Variants in PLIN1 observed in about 807,000 individuals in gnomAD.
PLIN1 encodes the protein perilipin 1, also known as perilipin-1.
A neutral mutation model predicts 45.8 loss-of-function variants in PLIN1; 37 were observed. The ratio of observed to expected loss-of-function variants is 0.81; its 90% CI spans 0.62 to 1.06. The LOEUF is 1.06. Ranked by LOEUF, PLIN1 falls within the 50% of genes least tolerant of loss-of-function variation. The probability of loss-of-function intolerance (pLI) is 0.00; values close to 1 mark genes in which losing one functional copy is unlikely to be tolerated. For missense variants in PLIN1, 776 were observed against 716.5 expected, an observed-to-expected ratio of 1.08 and a Z score of -0.95; for synonymous variants, 340 against 309.2, an observed-to-expected ratio of 1.10 and a Z score of -1.05.
At chr15:89,669,370 G>T in intron 6 of PLIN1, 130 bp downstream of exon 6, 1 of 834,072 alleles carries the variant, frequency 1.2e-6, no homozygotes, top group South Asian at 1.4e-5. Context: ...TAGAACTGAA[G>T]CCCCAGCCCA....
Position 89,667,711 on chromosome 15 carries a change from T to C in PLIN1, c.854A>G (p.His285Arg), listed in dbSNP as rs572438828. ...RRSEVRVPWL[H>R]SLAAAQEEDH... ...CTCCTCCTGGGCGGCTGCGAGGCTG[T>C]GCAGCCAGGGTACCCGCACTTCGCT... The change falls in exon 7 of 9, where the codon CAC becomes CGC. Residue 285 changes from histidine (H) to arginine (R), a missense_variant. Coordinates refer to ENST00000300055, the MANE Select transcript of PLIN1 (RefSeq NM_002666.5). The C allele has an allele frequency of 6.3e-7, 1 of 1,582,946 alleles. No homozygotes were observed. Among genetic ancestry groups the C allele is most frequent in the Non-Finnish European group, 8.6e-7 (1 of 1,164,696 alleles).
intron 2 of PLIN1, 71 bp from the exon 3 acceptor site, chr15:89,673,485 T>G: frequency 7.8e-7 from 1 of 1,276,912 alleles, no homozygotes. Flanking sequence ...GACCCCGGGG[T>G]CATGGGGACC....
intron 1 of PLIN1, chr15:89,678,019 A>G (rs1310861616): frequency 6.5e-6 from 1 of 153,880 alleles, no homozygotes; most frequent in Non-Finnish European, 1.4e-5. Flanking sequence ...TAGACCTCCC[A>G]AAGTGCTGGG....
intron 7 of PLIN1, among the ~76,000 whole-genome samples, 192 bp downstream of exon 7, chr15:89,667,410 G>A (rs1180204786): frequency 2.0e-5 from 3 of 152,246 alleles, no homozygotes; most frequent in Non-Finnish European, 4.4e-5. Flanking sequence ...TTTACAGAGT[G>A]TTGCAAGGGT....
In PLIN1 at chr15:89,670,164, A is replaced by C. The variant is rs143954379; in HGVS notation, c.414T>G (p.Thr138=). The change falls in exon 5 of 9, where the codon ACT becomes ACG. Residue 138 remains threonine (T), a synonymous_variant. Coordinates refer to ENST00000300055, the MANE Select transcript of PLIN1 (RefSeq NM_002666.5). ...RNSISVPIAS[T]SDKVLGAALA... ...AAGCGGCCCCCAGGACCTTGTCTGA[A>C]GTGCTCGCGATGGGAACGCTGATGC... is the stretch of plus-strand genomic sequence containing the variant. 940 of 1,614,090 alleles carry C rather than the reference A, an allele frequency of 5.8e-4. 3 individuals carry two copies. Among genetic ancestry groups the C allele is most frequent in the Middle Eastern group, 1.8e-3 (11 of 6,060 alleles).
In PLIN1 at chr15:89,669,831, GT is replaced by G. The variant is rs1306477782; in HGVS notation, c.598+148del. The G allele has an allele frequency of 4.3e-5, 37 of 854,100 alleles. No individual in the cohort carries two copies. The African/African-American group carries it at 5.0e-4, about 12-fold the overall frequency. The allele number at this position is 854,100 out of a possible 1,614,324, so 52.9% of individuals were successfully genotyped here. ...TTCCCTCTTTACAGATGGGGTGGGG[GT>G]GGGGGGGGTAAATGATTATGAATCC... is the stretch of plus-strand genomic sequence containing the variant. On this transcript the variant is annotated intron_variant, in intron 5 of 8. Coordinates refer to ENST00000300055, the MANE Select transcript of PLIN1 (RefSeq NM_002666.5).
At position 89,665,505 on chromosome 15, in the gene PLIN1, G is replaced by C. The variant is rs779304578; in HGVS notation, c.*78C>G. The C allele has an allele frequency of 7.1e-6, 10 of 1,415,178 alleles. No individual in the cohort carries two copies. The highest frequency in any genetic ancestry group is 9.5e-6 in the Non-Finnish European group (10 of 1,056,680). 87.7% of individuals were successfully genotyped at this position (1,415,178 alleles called of 1,614,324 possible). A position where few individuals can be genotyped will look rare whatever the true frequency, so the allele number is the denominator to read the frequency against. ...AGGGGACCACTTTGAAAGTGGCAAC[G>C]CTCGCCTGGGCAGTGCGGGTTCTGT... On this transcript the variant is annotated 3_prime_UTR_variant, in exon 9 of 9. Coordinates refer to ENST00000300055, the MANE Select transcript of PLIN1 (RefSeq NM_002666.5).
rs140220910 is a variant in PLIN1, at chr15:89,677,619, C to T, written c.-14-116G>A. ...CCAGGCTGCCTGGGGGCCCATTTGC[C>T]CTGAACAGAAGGCATTAGGTTGGAG... On this transcript the variant is annotated intron_variant, in intron 1 of 8. Transcript: ENST00000300055. 160 of 843,292 alleles carry T rather than the reference C, an allele frequency of 1.9e-4. No homozygotes were observed. The African/African-American group carries it at 2.2e-3, about 12-fold the overall frequency. 52.2% of individuals were successfully genotyped at this position (843,292 alleles called of 1,614,324 possible).
In PLIN1 at chr15:89,673,320, G is replaced by T; in HGVS notation, c.140C>A (p.Ala47Asp). ...GCACACAGAGGCCACCAGGGGGTGGGCTTCCTTAGTGCTGGTGTAGGTCTT... is the reference window on the plus strand; with the variant it reads ...GCACACAGAGGCCACCAGGGGGTGGTCTTCCTTAGTGCTGGTGTAGGTCTT... ...FQKTYTSTKE[A>D]HPLVASVCNA... Residue 47 changes from alanine (A) to aspartate (D), a missense_variant, in exon 3 of 9, where the codon GCC (alanine) becomes GAC (aspartate). Physicochemically the swap from Ala to Asp is moderately radical, Grantham distance 126. Transcript: ENST00000300055. 1 of 1,593,910 alleles carries T rather than the reference G, an allele frequency of 6.3e-7. No homozygotes were observed. The highest frequency in any genetic ancestry group is 8.5e-7 in the Non-Finnish European group (1 of 1,169,590).
At chr15:89,671,346 C>A in intron 4 of PLIN1, 136 bp downstream of exon 4, 1 of 677,516 alleles carries the variant, frequency 1.5e-6, no homozygotes, top group South Asian at 1.8e-5. Context: ...GGAGCAGGCA[C>A]TCTCCGCCAG....
In PLIN1 at chr15:89,665,760, C is replaced by A. The variant is rs536062857; in HGVS notation, c.1392G>T (p.Ala464=). 4,147 of 1,273,274 alleles carry A rather than the reference C, an allele frequency of 3.3e-3. 8 individuals carry two copies. The highest frequency in any genetic ancestry group is 3.3e-3 in the Non-Finnish European group (3,383 of 1,015,264). 78.9% of individuals were successfully genotyped at this position (1,273,274 alleles called of 1,614,324 possible). A position where few individuals can be genotyped will look rare whatever the true frequency, so the allele number is the denominator to read the frequency against. Residue 464 remains alanine, a synonymous_variant, in exon 9 of 9, where the codon GCG becomes GCT. Transcript: ENST00000300055. ...RSLRSAQSPG[A]PPGPGLEDEV... ...CGTCCTCCAGGCCCGGGCCGGGGGG[C>A]GCGCCGGGGCTCTGCGCGCTGCGCA... is the stretch of plus-strand genomic sequence containing the variant.
chr15:89,669,767 G>T (rs1263206199), intron 5 of PLIN1, 95 bp from the exon 6 acceptor site: 1 of 1,137,078 alleles, frequency 8.8e-7, no homozygotes, highest in African/African-American at 1.6e-5. Flanking sequence ...AGGTGTTCTA[G>T]GTCCACCACA....
At chr15:89,679,171 G>A (rs1395137443) in intron 1 of PLIN1, 80 bp downstream of exon 1, 1 of 151,964 alleles carries the variant, frequency 6.6e-6, no homozygotes, top group Non-Finnish European at 1.5e-5. Flanking sequence ...CTAGATTCTG[G>A]TATCTATACC....
rs202141842 is a variant in PLIN1, at chr15:89,669,494, A to G, written c.771+6T>C. ...GGGTCAGTCAGAGCTCACGGCAGAT[A>G]CTTACCAGGGGCACCACGCCTGGGA... On this transcript the variant is annotated splice_donor_region_variant and intron_variant, in intron 6 of 8. Coordinates refer to ENST00000300055, the MANE Select transcript of PLIN1 (RefSeq NM_002666.5). 776 of 1,609,864 alleles carry G rather than the reference A, an allele frequency of 4.8e-4. No individual in the cohort carries two copies. The highest frequency in any genetic ancestry group is 5.2e-4 in the Non-Finnish European group (611 of 1,179,460).
intron 5 of PLIN1, 48 bp from the exon 6 acceptor site, chr15:89,669,720 G>A (rs1005957752): frequency 3.2e-6 from 5 of 1,571,060 alleles, no homozygotes; most frequent in East Asian, 4.5e-5. Flanking sequence ...TCAGAGAGGG[G>A]CCGGAGAGAT....
At position 89,664,987 on chromosome 15, in the gene PLIN1, C is replaced by T. The variant is rs1040116687; in HGVS notation, c.*596G>A. On this transcript the variant is annotated 3_prime_UTR_variant, in exon 9 of 9. Coordinates refer to ENST00000300055, the MANE Select transcript of PLIN1 (RefSeq NM_002666.5). ...GGCCTGGACTCAGCCTGTGAAGCGG[C>T]GGGTACTCAGAAAGTGACACTAGTA... 2.0e-5 allele frequency: 9 copies of T among 451,130 alleles called. No homozygotes were observed. Among genetic ancestry groups the T allele is most frequent in the African/African-American group, 8.0e-5 (4 of 49,808 alleles). 27.9% of individuals were successfully genotyped at this position (451,130 alleles called of 1,614,324 possible).
intron 1 of PLIN1, 92 bp from the exon 2 acceptor site, chr15:89,677,595 C>T: frequency 3.7e-6 from 4 of 1,072,204 alleles, no homozygotes; most frequent in African/African-American, 1.5e-5. Flanking sequence ...CAACTAGGCC[C>T]AGGCTGCCTG....
Position 89,665,539 on chromosome 15 carries a change from T to C in PLIN1, c.*44A>G. On this transcript the variant is annotated 3_prime_UTR_variant, in exon 9 of 9. Transcript: ENST00000300055. ...GGCAGTGCGGGTTCTGTTTATTTGT[T>C]AGAGAAACCCGCCGGCCCGGGGCGC... 3.3e-6 allele frequency: 5 copies of C among 1,517,348 alleles called. No individual in the cohort carries two copies. The highest frequency in any genetic ancestry group is 4.4e-6 in the Non-Finnish European group (5 of 1,134,560). 94.0% of individuals were successfully genotyped at this position (1,517,348 alleles called of 1,614,324 possible).
intron 2 of PLIN1, 39 bp from the exon 3 acceptor site, chr15:89,673,453 C>G: frequency 6.6e-7 from 1 of 1,511,492 alleles, no homozygotes; most frequent in Non-Finnish European, 9.0e-7. Flanking sequence ...TCCCACCTCC[C>G]TCTCCAGCCT....
Sources: gnomAD v4.1 joint callset for allele counts (sites outside exome capture counted in the v4.1 genomes callset) on GRCh38, gnomAD v4.1.1 for gene constraint, MANE v1.5 for transcripts, NCBI Gene and HGNC (gene_info 2026-07-23, HGNC 2026-07-21) for gene names.